ATP6V1D: variants seen among roughly 807,000 people sequenced by gnomAD.
The protein encoded by ATP6V1D is V-type proton ATPase subunit D.
In ATP6V1D, 20 loss-of-function variants were observed where a neutral mutation model predicts 39.4. That is an observed-to-expected ratio of 0.51 (90% CI 0.36 to 0.74). The LOEUF is 0.74. ATP6V1D is among the 30% of genes least tolerant of loss of function. The pLI, the probability that ATP6V1D is intolerant of heterozygous loss-of-function variation, is 0.00. For missense variants in ATP6V1D, 228 were observed against 291.6 expected (o/e 0.78, Z 1.59); for synonymous variants, 100 against 100.5 (o/e 0.99, Z 0.03).
At chr14:67,356,696 A>G (rs1028127733) in intron 1 of ATP6V1D, among the ~76,000 whole-genome samples, 1 of 152,170 alleles carries the variant, frequency 6.6e-6, no homozygotes, top group African/African-American at 2.4e-5. Flanking sequence ...TAAGGCTCCA[A>G]CCTACGTTCA....
chr14:67,347,550 G>A (rs1433764455), intron 4 of ATP6V1D, 97 bp from the exon 5 acceptor site: 3 of 1,027,468 alleles, frequency 2.9e-6, no homozygotes, highest in Non-Finnish European at 2.9e-6. Flanking sequence ...CGCCGAGGCT[G>A]GAATGCAATG....
intron 7 of ATP6V1D, among the ~76,000 whole-genome samples, chr14:67,341,497 G>A (rs1298598594): frequency 8.6e-5 from 13 of 151,664 alleles, no homozygotes; most frequent in Admixed American, 1.3e-4. Context: ...CAGCCGCCCC[G>A]TCCGGGAGGG....
intron 2 of ATP6V1D, among the ~76,000 whole-genome samples, chr14:67,352,437 A>G (rs540211654): frequency 2.6e-5 from 4 of 152,112 alleles, no homozygotes; most frequent in Admixed American, 6.5e-5. Flanking sequence ...AAAAAAAAAA[A>G]AAAAAGAAAA....
intron 6 of ATP6V1D, among the ~76,000 whole-genome samples, chr14:67,344,742 C>T (rs749156401): frequency 6.6e-6 from 1 of 150,766 alleles, no homozygotes; most frequent in Non-Finnish European, 1.5e-5. Context: ...ATTATCCAGG[C>T]GAGGTGGCAC....
In ATP6V1D at chr14:67,338,580, AG is replaced by A. The variant is rs779308163; in HGVS notation, c.*40del. On this transcript the variant is annotated 3_prime_UTR_variant, in exon 9 of 9. Transcript: ENST00000216442. ...ACCTACACACTGTGAATTAAAATGA[AG>A]CCAGTGTTAGGGTTTCTCAAAGAAC... 1.5e-5 allele frequency: 23 copies of A among 1,584,312 alleles called. No homozygotes were observed. The highest frequency in any genetic ancestry group is 2.0e-5 in the Non-Finnish European group (23 of 1,166,800).
chr14:67,359,057 G>A (rs992059024), intron 1 of ATP6V1D, among the ~76,000 whole-genome samples: 1 of 152,224 alleles, frequency 6.6e-6, no homozygotes, highest in Non-Finnish European at 1.5e-5. Flanking sequence ...GTGCAGCGGT[G>A]AGAGAGCAAA....
rs1421594770 is a variant in ATP6V1D at position 67,352,862 on chromosome 14, TG to T, written c.159+60del. The T allele has an allele frequency of 1.2e-5, 12 of 1,024,716 alleles. No individual in the cohort carries two copies. In the African/African-American group the frequency reaches 1.8e-4, roughly 15 times the overall value. The allele number at this position is 1,024,716 out of a possible 1,614,324, so 63.5% of individuals were successfully genotyped here. ...AAAATAACAACAACAAAAAAAAAAA[TG>T]CCAAGGGCCATGCTGGATTTTTCTA... On this transcript the variant is annotated intron_variant, in intron 2 of 8. Coordinates refer to ENST00000216442, the MANE Select transcript of ATP6V1D (RefSeq NM_015994.4).
intron 2 of ATP6V1D, among the ~76,000 whole-genome samples, chr14:67,351,732 G>C: frequency 6.6e-6 from 1 of 151,774 alleles, no homozygotes; most frequent in East Asian, 1.9e-4. Context: ...TGTTGCCCAG[G>C]CTGGTCTCAA....
At chr14:67,351,026 C>G (rs192869397) in intron 2 of ATP6V1D, among the ~76,000 whole-genome samples, 61 of 152,254 alleles carry the variant, frequency 4.0e-4, no homozygotes, top group Admixed American at 1.3e-3. Context: ...AGTCAAAACC[C>G]TAATGGTGTA....
At chr14:67,353,987 C>T (rs8015641) in intron 1 of ATP6V1D, 28,730 of 151,272 alleles carry the variant, frequency 0.19, 4,387 homozygotes, top group East Asian at 0.5. Context: ...AAGGCATGTT[C>T]GACCCTTTCT....
intron 8 of ATP6V1D, among the ~76,000 whole-genome samples, 167 bp from the exon 9 acceptor site, chr14:67,338,929 CAT>C (rs1361484486): frequency 1.4e-5 from 2 of 147,692 alleles, no homozygotes; most frequent in East Asian, 2.0e-4. Flanking sequence ...TTTTAAAAAA[CAT>C]AATTTTAAGC....
chr14:67,343,281 G>T, intron 7 of ATP6V1D, 91 bp downstream of exon 7: 2 of 915,462 alleles, frequency 2.2e-6, no homozygotes, highest in South Asian at 1.9e-5. Flanking sequence ...TCATCTTTCA[G>T]TCTTCAGTAC....
At chr14:67,349,504 C>A (rs973354555) in intron 3 of ATP6V1D, among the ~76,000 whole-genome samples, 11 of 152,168 alleles carry the variant, frequency 7.2e-5, no homozygotes, top group African/African-American at 2.2e-4. Context: ...AAACTATGTT[C>A]CATCTGGCTT....
At position 67,349,074 on chromosome 14, in the gene ATP6V1D, C is replaced by A. The variant is rs2274337; in HGVS notation, c.270G>T (p.Ala90=). The A allele has an allele frequency of 3.7e-4, 605 of 1,614,056 alleles. 3 individuals are homozygous for A. In the East Asian group the frequency reaches 0.012, roughly 33 times the overall value. The part of the protein sequence containing the change: ...STTVIQNVNK[A]QVKIRAKKDN... ...CTTTCTTCGCTCGAATCTTCACTTG[C>A]GCTTTATTGACATTTTGGATAACTG... Residue 90 remains alanine (A), a synonymous_variant, in exon 4 of 9, where the codon GCG becomes GCT. Transcript: ENST00000216442.
intron 1 of ATP6V1D, 56 bp from the exon 2 acceptor site, chr14:67,353,096 A>C: frequency 7.4e-7 from 1 of 1,347,396 alleles, no homozygotes; most frequent in Non-Finnish European, 1.0e-6. Flanking sequence ...AAAGACAAAA[A>C]AAACCCTCCC....
rs2085714648 is a variant in ATP6V1D at position 67,359,648 on chromosome 14, C to T, written c.41+10G>A. ...CCTGTGAAAGCGGCTTATCCCATTC[C>T]TTTACTTACATTCGCGAGGGAAAGA... On this transcript the variant is annotated intron_variant, in intron 1 of 8. Transcript: ENST00000216442. 5 of 1,613,974 alleles carry T rather than the reference C, an allele frequency of 3.1e-6. No individual in the cohort carries two copies. Among genetic ancestry groups the T allele is most frequent in the Non-Finnish European group, 4.2e-6 (5 of 1,180,040 alleles).
chr14:67,340,639 G>A, intron 7 of ATP6V1D, 121 bp from the exon 8 acceptor site: 2 of 802,624 alleles, frequency 2.5e-6, no homozygotes, highest in Non-Finnish European at 4.0e-6. Flanking sequence ...ATTTAATGCA[G>A]AGAACTTGGA....
At chr14:67,354,245 T>C (rs2085672008) in intron 1 of ATP6V1D, among the ~76,000 whole-genome samples, 1 of 152,214 alleles carries the variant, frequency 6.6e-6, no homozygotes, top group Non-Finnish European at 1.5e-5. Flanking sequence ...ATAATCAATA[T>C]CTGGAATATT....
intron 4 of ATP6V1D, chr14:67,348,835 A>T: frequency 1.9e-6 from 1 of 530,502 alleles, no homozygotes; most frequent in Non-Finnish European, 3.3e-6. Flanking sequence ...CTGCCTTCTT[A>T]AGTGTTCACT....
Sources: allele counts gnomAD v4.1 joint callset (sites outside exome capture counted in the v4.1 genomes callset), GRCh38; gene constraint gnomAD v4.1.1; transcripts MANE v1.5; gene names NCBI Gene and HGNC (gene_info 2026-07-23, HGNC 2026-07-21).